The following CDC23 variants were observed in gnomAD, a reference collection of about 807,000 sequenced individuals.
CDC23 encodes the protein cell division cycle 23.
CDC23 carries 26 observed loss-of-function variants against 81.7 expected under a neutral mutation model. The observed-to-expected ratio is 0.32, with a 90% CI of 0.23 to 0.44. The LOEUF (loss-of-function observed/expected upper bound fraction) is 0.44, where lower values mean the gene tolerates loss of function less well. Among genes scored for constraint, CDC23 ranks in the 20% least tolerant of loss-of-function variants. The pLI, the probability that CDC23 is intolerant of heterozygous loss-of-function variation, is 1.00. For missense variants in CDC23, 519 were observed against 728.0 expected (o/e 0.71, Z 3.30); for synonymous variants, 267 against 270.8 (o/e 0.99, Z 0.14).
intron 9 of CDC23, among the ~76,000 whole-genome samples, chr5:138,194,810 C>T (rs1369055985): frequency 1.3e-5 from 2 of 151,288 alleles, no homozygotes; most frequent in Non-Finnish European, 2.9e-5. Context: ...CACCCTCCGC[C>T]TCCCGGATTC....
chr5:138,204,712 C>T (rs1333094811), intron 3 of CDC23, among the ~76,000 whole-genome samples: 2 of 150,144 alleles, frequency 1.3e-5, no homozygotes, highest in East Asian at 2.0e-4. Context: ...CTCCACCTTC[C>T]GGGTTCACGC....
chr5:138,195,636 T>C (rs1754884569), intron 9 of CDC23, among the ~76,000 whole-genome samples: 2 of 117,290 alleles, frequency 1.7e-5, no homozygotes, highest in Non-Finnish European at 3.3e-5. Flanking sequence ...TAAATATATA[T>C]ACATATATAA....
intron 15 of CDC23, 71 bp downstream of exon 15, chr5:138,189,562 T>A: frequency 6.6e-7 from 1 of 1,506,576 alleles, no homozygotes; most frequent in Non-Finnish European, 9.0e-7. Flanking sequence ...CTGGCCAAGG[T>A]AGGCTTTCCA....
At chr5:138,193,976 T>C (rs1436014566) in intron 9 of CDC23, among the ~76,000 whole-genome samples, 1 of 146,744 alleles carries the variant, frequency 6.8e-6, no homozygotes, top group African/African-American at 2.5e-5. Flanking sequence ...AAAAAAAAGG[T>C]AGCGCTCTAA....
Position 138,202,297 on chromosome 5 carries a change from T to A in CDC23, c.373-142A>T, listed in dbSNP as rs763391355. The A allele has an allele frequency of 5.2e-5, 32 of 618,296 alleles. No homozygotes were observed. In the Admixed American group the frequency reaches 8.3e-4, roughly 16 times the overall value. The allele number at this position is 618,296 out of a possible 1,614,324, so 38.3% of individuals were successfully genotyped here. A position where few individuals can be genotyped will look rare whatever the true frequency, so the allele number is the denominator to read the frequency against. Reference sequence around the variant, plus strand: ...GGTCATTATTTATTTATTTATTTATTTGAGACAGTCTCACTTTGCTTTGTT... The same window carrying A: ...GGTCATTATTTATTTATTTATTTATATGAGACAGTCTCACTTTGCTTTGTT... On this transcript the variant is annotated intron_variant, in intron 3 of 15. Transcript: ENST00000394886.
At position 138,191,460 on chromosome 5, in the gene CDC23, C is replaced by T; in HGVS notation, c.1424+14G>A. On this transcript the variant is annotated intron_variant, in intron 13 of 15. Transcript: ENST00000394886. ...CAACAGAAATATCAATAGCATTTCA[C>T]TCCTTTCACTCACTTTGCCAGTTTC... 6.2e-7 allele frequency: 1 copy of T among 1,612,636 alleles called. No homozygotes were observed. The highest frequency in any genetic ancestry group is 1.3e-5 in the African/African-American group (1 of 75,026).
intron 2 of CDC23, among the ~76,000 whole-genome samples, chr5:138,207,123 G>T (rs182327393): frequency 1.3e-5 from 2 of 152,098 alleles, no homozygotes; most frequent in East Asian, 3.9e-4. Flanking sequence ...CAAGTGATCT[G>T]CCTGCCTCGG....
chr5:138,211,762 T>A (rs982182721), intron 2 of CDC23, among the ~76,000 whole-genome samples: 10 of 152,124 alleles, frequency 6.6e-5, no homozygotes, highest in African/African-American at 2.4e-4. Flanking sequence ...AATCACACAA[T>A]ATATCCATGT....
At chr5:138,210,704 C>T (rs917972047) in intron 2 of CDC23, among the ~76,000 whole-genome samples, 2 of 152,110 alleles carry the variant, frequency 1.3e-5, no homozygotes, top group African/African-American at 4.8e-5. Context: ...ATTCTCACAG[C>T]AAACTGAAAG....
At chr5:138,192,101 T>G in intron 11 of CDC23, 164 bp from the exon 12 acceptor site, 20 of 931,292 alleles carry the variant, frequency 2.1e-5, no homozygotes, top group Non-Finnish European at 3.2e-5. Flanking sequence ...TATTAACCCA[T>G]TAGTGAAATA....
intron 6 of CDC23, 79 bp downstream of exon 6, chr5:138,201,028 C>A: frequency 6.6e-7 from 1 of 1,519,940 alleles, no homozygotes; most frequent in South Asian, 1.3e-5. Flanking sequence ...CCTGCCAAAA[C>A]TTTCCCCACC....
intron 9 of CDC23, among the ~76,000 whole-genome samples, chr5:138,193,584 A>C (rs752085568): frequency 7.9e-5 from 12 of 151,814 alleles, no homozygotes; most frequent in Non-Finnish European, 1.5e-4. Context: ...TAATAGAGCA[A>C]AACAACATCT....
chr5:138,204,138 C>T (rs147420983), intron 3 of CDC23, among the ~76,000 whole-genome samples: 6 of 152,076 alleles, frequency 3.9e-5, no homozygotes, highest in Non-Finnish European at 7.4e-5. Flanking sequence ...TGTATGCACA[C>T]GTTGTGTAGA....
chr5:138,213,101 C>G (rs1309010946), intron 1 of CDC23, 38 bp from the exon 2 acceptor site: 1 of 1,613,982 alleles, frequency 6.2e-7, no homozygotes, highest in Non-Finnish European at 8.5e-7. Context: ...CTCGACAAGC[C>G]CCCCAAGGCC....
At chr5:138,201,558 G>A in intron 4 of CDC23, 110 bp from the exon 5 acceptor site, 1 of 768,582 alleles carries the variant, frequency 1.3e-6, no homozygotes, top group Non-Finnish European at 2.0e-6. Context: ...TGTTCCCTAG[G>A]CTGGTCTCAA....
intron 6 of CDC23, chr5:138,200,833 AACAAGT>A: frequency 2.8e-6 from 1 of 357,428 alleles, no homozygotes; most frequent in South Asian, 4.9e-5. Flanking sequence ...CAAAAACAAA[AACAAGT>A]CACAATAGAA....
At chr5:138,202,409 G>C (rs1210847849) in intron 3 of CDC23, among the ~76,000 whole-genome samples, 1 of 152,056 alleles carries the variant, frequency 6.6e-6, no homozygotes, top group Non-Finnish European at 1.5e-5. Flanking sequence ...TCAGCCTCCC[G>C]AGTAGCTAGG....
At chr5:138,212,468 G>A (rs1315386690) in intron 2 of CDC23, among the ~76,000 whole-genome samples, 2 of 152,056 alleles carry the variant, frequency 1.3e-5, no homozygotes, top group Non-Finnish European at 2.9e-5. Flanking sequence ...ACAGGCGCGC[G>A]CCACCATGTC....
In CDC23 at chr5:138,213,308, G is replaced by A. The variant is rs1755139197; in HGVS notation, c.5C>T (p.Ala2Val). ...CACCGGGACCATGGAGGTACTCGCA[G>A]CCATTTTCCCGACTCGGGCCACTCC... M[A>V]ASTSMVPVAV... The change falls in exon 1 of 16, where the codon GCT becomes GTT. Residue 2 changes from alanine to valine, a missense_variant. Around this residue, in one of 4 missense-constraint regions of CDC23, gnomAD observed 126 missense variants for 116.2 expected, o/e 1.08. Coordinates refer to ENST00000394886, the MANE Select transcript of CDC23 (RefSeq NM_004661.4). The A allele has an allele frequency of 6.2e-7, 1 of 1,613,454 alleles. No homozygotes were observed. Among genetic ancestry groups the A allele is most frequent in the Non-Finnish European group, 8.5e-7 (1 of 1,179,694 alleles).
Sources: allele counts gnomAD v4.1 joint callset (sites outside exome capture counted in the v4.1 genomes callset), GRCh38; gene constraint gnomAD v4.1.1; regional missense constraint gnomAD v4.1.1; transcripts MANE v1.5; gene names NCBI Gene and HGNC (gene_info 2026-07-23, HGNC 2026-07-21).